SEPTIN3: variants seen among roughly 807,000 people sequenced by gnomAD.
The protein encoded by SEPTIN3 is neuronal-specific septin-3.
SEPTIN3 carries 15 observed loss-of-function variants against 45.1 expected under a neutral mutation model. The ratio of observed to expected loss-of-function variants is 0.33; its 90% CI spans 0.22 to 0.51. The LOEUF is 0.51. SEPTIN3 is among the 20% of genes least tolerant of loss of function. SEPTIN3 has a pLI of 0.97. For missense variants in SEPTIN3, 289 were observed against 457.2 expected (o/e 0.63, Z 3.35); for synonymous variants, 148 against 164.8 (o/e 0.90, Z 0.78).
chr22:41,984,814 C>T (rs2078176327), intron 3 of SEPTIN3, among the ~76,000 whole-genome samples: 1 of 150,006 alleles, frequency 6.7e-6, no homozygotes, highest in African/African-American at 2.5e-5. Flanking sequence ...CAGGCATGAG[C>T]CACTGCACCT....
intron 7 of SEPTIN3, among the ~76,000 whole-genome samples, chr22:41,991,347 A>G (rs1319722533): frequency 6.6e-6 from 1 of 151,990 alleles, no homozygotes; most frequent in East Asian, 1.9e-4. Flanking sequence ...CTGAAGTTGC[A>G]CCTCCTGGCC....
chr22:41,976,960 C>G lies in SEPTIN3; in HGVS notation c.1504+3964C>G. On this transcript the variant is annotated intron_variant, in intron 2 of 11. Coordinates refer to ENST00000644076, the MANE Select transcript of SEPTIN3 (RefSeq NM_001363845.2). The surrounding 1 kb of genome is among the most constrained non-coding windows in gnomAD (Gnocchi z 5.8). ...GGGAGGAGAGCGCGAAGGGGCGAGG[C>G]CCGTTTGCAGGGGCCGCTCGGCCCG... 8.6e-7 allele frequency: 1 copy of G among 1,164,032 alleles called. No homozygotes were observed. The highest frequency in any genetic ancestry group is 1.2e-6 in the Non-Finnish European group (1 of 852,772). The allele number at this position is 1,164,032 out of a possible 1,614,324, so 72.1% of individuals were successfully genotyped here.
chr22:41,980,173 CTT>C (rs918593515), intron 2 of SEPTIN3, among the ~76,000 whole-genome samples: 1 of 109,116 alleles, frequency 9.2e-6, no homozygotes, highest in Admixed American at 1.3e-4. Flanking sequence ...GAGTTTGACT[CTT>C]TTGCTCAGGC....
At chr22:41,975,555 C>G (rs1329496702) in intron 2 of SEPTIN3, among the ~76,000 whole-genome samples, 2 of 152,166 alleles carry the variant, frequency 1.3e-5, no homozygotes, top group African/African-American at 4.8e-5. Flanking sequence ...CTTATCTACC[C>G]GGATGTCTCC....
intron 3 of SEPTIN3, 150 bp downstream of exon 3, chr22:41,981,986 C>G (rs981553553): frequency 4.3e-5 from 31 of 719,506 alleles, no homozygotes; most frequent in Non-Finnish European, 6.7e-5. Flanking sequence ...AAAGGCCTGA[C>G]CCCTGTCTCC....
intron 7 of SEPTIN3, among the ~76,000 whole-genome samples, chr22:41,990,550 C>T (rs917515026): frequency 1.4e-5 from 2 of 141,794 alleles, no homozygotes; most frequent in Non-Finnish European, 3.1e-5. Flanking sequence ...TCAAGACCAT[C>T]CTGGCTAACA....
At position 41,987,579 on chromosome 22, in the gene SEPTIN3, T is replaced by C. The variant is rs59189606; in HGVS notation, c.1908-43T>C. ...GATCATGCCTAAGCTGAGCCCTAGG[T>C]CTTGTTCTTCTGATGCATCTATCTA... On this transcript the variant is annotated intron_variant, in intron 5 of 11. Transcript: ENST00000644076. The C allele has an allele frequency of 9.0e-3, 14,284 of 1,590,444 alleles. 709 individuals are homozygous for C. The African/African-American group carries it at 0.13, about 15-fold the overall frequency.
At position 41,994,520 on chromosome 22, in the gene SEPTIN3, G is replaced by T; in HGVS notation, c.2412-101G>T. 3 of 1,575,610 alleles carry T rather than the reference G, an allele frequency of 1.9e-6. No homozygotes were observed. The highest frequency in any genetic ancestry group is 3.4e-5 in the Admixed American group (2 of 58,034). On this transcript the variant is annotated intron_variant, in intron 10 of 11. Transcript: ENST00000644076. The surrounding 1 kb of genome is among the most constrained non-coding windows in gnomAD (Gnocchi z 4.2). ...GAAGAATCCTTAGCTCCTGGGAGTG[G>T]TTCCCATTCACTGGGTCCAGTCCCT...
chr22:41,994,832 T>G lies in SEPTIN3; in HGVS notation c.2505+118T>G. The G allele has an allele frequency of 6.3e-7, 1 of 1,592,014 alleles. No homozygotes were observed. The highest frequency in any genetic ancestry group is 2.3e-5 in the East Asian group (1 of 43,774). On this transcript the variant is annotated intron_variant, in intron 11 of 11. Coordinates refer to ENST00000644076, the MANE Select transcript of SEPTIN3 (RefSeq NM_001363845.2). The surrounding 1 kb of genome is among the most constrained non-coding windows in gnomAD (Gnocchi z 4.2). ...CAAATACCACCACCAACCACCTTCT[T>G]CCTCTCAACTCTGTCCCACAGGCCT...
Position 41,994,519 on chromosome 22 carries a change from G to C in SEPTIN3, c.2412-102G>C, listed in dbSNP as rs764280187. The C allele has an allele frequency of 2.2e-5, 35 of 1,572,388 alleles. No individual in the cohort carries two copies. Among genetic ancestry groups the C allele is most frequent in the Non-Finnish European group, 3.0e-5 (35 of 1,153,282 alleles). On this transcript the variant is annotated intron_variant, in intron 10 of 11. Transcript: ENST00000644076. This position sits in a 1 kb window ranked among gnomAD's most constrained non-coding sequence, Gnocchi z 4.2. ...AGAAGAATCCTTAGCTCCTGGGAGT[G>C]GTTCCCATTCACTGGGTCCAGTCCC...
rs1006753630 is a variant in SEPTIN3 at position 41,972,302 on chromosome 22, C to T, written c.810C>T (p.Ala270=). Residue 270 remains alanine (A), a synonymous_variant, in exon 2 of 12, where the codon GCC becomes GCT. Coordinates refer to ENST00000644076, the MANE Select transcript of SEPTIN3 (RefSeq NM_001363845.2). ...DTRTDAARHL[A]TMATNRPSLA... ...GGACAGACGCAGCCAGACATTTAGC[C>T]ACAATGGCCACCAACAGACCTAGCT... 1.3e-5 allele frequency: 5 copies of T among 399,176 alleles called. No individual in the cohort carries two copies. Among genetic ancestry groups the T allele is most frequent in the Middle Eastern group, 6.3e-4 (1 of 1,590 alleles). 24.7% of individuals were successfully genotyped at this position (399,176 alleles called of 1,614,324 possible).
rs1339355292 is a variant in SEPTIN3 at position 41,991,590 on chromosome 22, A to G, written c.2181A>G (p.Glu727=). Residue 727 remains glutamate, a synonymous_variant, in exon 8 of 12, where the codon GAA becomes GAG. Coordinates refer to ENST00000644076, the MANE Select transcript of SEPTIN3 (RefSeq NM_001363845.2). ...EFKQRVRKEL[E]VNGIEFYPQK... ...GCCTCTAGGTTCGCAAGGAGCTTGA[A>G]GTAAATGGCATTGAATTCTACCCCC... 1 of 1,613,646 alleles carries G rather than the reference A, an allele frequency of 6.2e-7. No homozygotes were observed. The highest frequency in any genetic ancestry group is 1.7e-5 in the Admixed American group (1 of 60,008).
chr22:41,975,145 G>A (rs1382026868), intron 2 of SEPTIN3, among the ~76,000 whole-genome samples: 3 of 152,142 alleles, frequency 2.0e-5, no homozygotes, highest in African/African-American at 4.8e-5. Flanking sequence ...ATATATGGAA[G>A]TCCTACACAG....
intron 2 of SEPTIN3, chr22:41,977,157 A>C: frequency 7.0e-7 from 1 of 1,426,964 alleles, no homozygotes; most frequent in Non-Finnish European, 9.4e-7. Flanking sequence ...CTCCTGGGGG[A>C]GGGTTTCCGC....
Position 41,992,247 on chromosome 22 carries a change from C to T in SEPTIN3, c.2260-417C>T, listed in dbSNP as rs147856971. Among the ~76,000 whole-genome samples, 201 of 152,064 alleles carry T rather than the reference C, an allele frequency of 1.3e-3. 1 individual carries two copies. In the Middle Eastern group the frequency reaches 0.024, roughly 18 times the overall value. On this transcript the variant is annotated intron_variant, in intron 8 of 11. Coordinates refer to ENST00000644076, the MANE Select transcript of SEPTIN3 (RefSeq NM_001363845.2). ...TGCAAAAATTAGCCAGGCATGGTGG[C>T]GCATGCCTGTAATCCCAGCTACTCG...
chr22:41,989,799 C>G, intron 7 of SEPTIN3, 115 bp downstream of exon 7: 1 of 680,008 alleles, frequency 1.5e-6, no homozygotes, highest in Non-Finnish European at 2.6e-6. Context: ...TCAACCCTCC[C>G]CCAATTCTCC....
intron 6 of SEPTIN3, among the ~76,000 whole-genome samples, chr22:41,988,575 A>G (rs2078247350): frequency 6.6e-6 from 1 of 152,218 alleles, no homozygotes; most frequent in Admixed American, 6.5e-5. Context: ...CCCCTGGGCT[A>G]GACCCAGGAA....
chr22:41,996,849 C>T, intron 11 of SEPTIN3, 53 bp from the exon 12 acceptor site: 3 of 1,609,704 alleles, frequency 1.9e-6, no homozygotes, highest in East Asian at 2.2e-5. Context: ...TTTTATATGT[C>T]TGCTGCCAGC....
At chr22:41,995,813 G>T in intron 11 of SEPTIN3, 4 of 890,818 alleles carry the variant, frequency 4.5e-6, no homozygotes, top group Non-Finnish European at 5.4e-6. Context: ...AGTGAGTTAT[G>T]CAGTTCCCAG....
Sources: gnomAD v4.1 joint callset for allele counts (sites outside exome capture counted in the v4.1 genomes callset) on GRCh38, gnomAD v4.1.1 for gene constraint, Gnocchi (gnomAD v3.1) non-coding constraint, MANE v1.5 for transcripts, NCBI Gene and HGNC (gene_info 2026-07-23, HGNC 2026-07-21) for gene names.